GPR137C: variants seen among roughly 807,000 people sequenced by gnomAD.
GPR137C encodes integral membrane protein GPR137C.
In GPR137C, 27 loss-of-function variants were observed where a neutral mutation model predicts 43.4. That is an observed-to-expected ratio of 0.62 (90% CI 0.46 to 0.86). GPR137C has a LOEUF of 0.86. GPR137C is among the 40% of genes least tolerant of loss of function. The probability of loss-of-function intolerance (pLI) is 0.00; values close to 1 mark genes in which losing one functional copy is unlikely to be tolerated. For synonymous variants in GPR137C, 285 were observed against 226.9 expected (o/e 1.26, Z -2.30); for missense variants, 522 against 534.6 (o/e 0.98, Z 0.23).
chr14:52,568,270 G>A (rs1227757054), intron 1 of GPR137C, among the ~76,000 whole-genome samples: 1 of 152,158 alleles, frequency 6.6e-6, no homozygotes, highest in Non-Finnish European at 1.5e-5. Flanking sequence ...GTGCATTCCA[G>A]CTCAGATACT....
chr14:52,614,725 T>C (rs968584956), intron 3 of GPR137C, among the ~76,000 whole-genome samples: 5 of 152,096 alleles, frequency 3.3e-5, no homozygotes, highest in African/African-American at 1.2e-4. Flanking sequence ...GGTCTTAAGC[T>C]ATCCTTCTGA....
intron 6 of GPR137C, 88 bp from the exon 7 acceptor site, chr14:52,634,850 A>G (rs1223325298): frequency 5.2e-6 from 6 of 1,148,010 alleles, no homozygotes; most frequent in African/African-American, 3.2e-5. Flanking sequence ...CTTTATTACA[A>G]AATTCATTGA....
chr14:52,614,260 G>A lies in GPR137C; in HGVS notation c.717+13919G>A, dbSNP rs149891079. 3.6e-3 allele frequency among the ~76,000 whole-genome samples: 547 copies of A among 150,602 alleles called. 4 individuals carry two copies. Among genetic ancestry groups the A allele is most frequent in the Admixed American group, 0.015 (225 of 15,112 alleles). On this transcript the variant is annotated intron_variant, in intron 3 of 6. Coordinates refer to ENST00000321662, the MANE Select transcript of GPR137C (RefSeq NM_001099652.2). Reference sequence around the variant, plus strand: ...TTCAGCCTCCCTATTAGCTGGTACCGTAGGCATGCACCACCACACCTGGCT... The same window carrying A: ...TTCAGCCTCCCTATTAGCTGGTACCATAGGCATGCACCACCACACCTGGCT...
chr14:52,625,367 T>C (rs1205725976), intron 3 of GPR137C, among the ~76,000 whole-genome samples: 3 of 150,628 alleles, frequency 2.0e-5, no homozygotes, highest in East Asian at 2.0e-4. Flanking sequence ...CTGTACTCGC[T>C]TCTACTCGGG....
intron 3 of GPR137C, among the ~76,000 whole-genome samples, chr14:52,603,745 G>A (rs2038953468): frequency 6.6e-6 from 1 of 151,884 alleles, no homozygotes. Context: ...CACCATGTTG[G>A]CCGGGCTGGT....
chr14:52,561,168 CTA>C (rs1383785287), intron 1 of GPR137C, among the ~76,000 whole-genome samples: 2 of 152,308 alleles, frequency 1.3e-5, no homozygotes, highest in African/African-American at 4.8e-5. Context: ...ATTAGCAGGA[CTA>C]AAATTTAAAA....
chr14:52,629,073 A>G (rs935715209), intron 3 of GPR137C, among the ~76,000 whole-genome samples: 2 of 152,234 alleles, frequency 1.3e-5, no homozygotes, highest in Admixed American at 1.3e-4. Context: ...AAAATGAGAC[A>G]TCACATCTTC....
chr14:52,568,625 A>G (rs2038411975), intron 1 of GPR137C, among the ~76,000 whole-genome samples: 3 of 152,160 alleles, frequency 2.0e-5, no homozygotes. Context: ...GGCATCCGCA[A>G]TTACTGTGTA....
intron 1 of GPR137C, among the ~76,000 whole-genome samples, chr14:52,593,447 A>G (rs1162999885): frequency 6.6e-6 from 1 of 152,118 alleles, no homozygotes; most frequent in Non-Finnish European, 1.5e-5. Context: ...TCGGCTGTGA[A>G]TCCATCTGGT....
At chr14:52,559,540 A>G (rs2038248220) in intron 1 of GPR137C, among the ~76,000 whole-genome samples, 1 of 152,038 alleles carries the variant, frequency 6.6e-6, no homozygotes, top group Admixed American at 6.5e-5. Flanking sequence ...TAAATGAGGG[A>G]AAAGGGGGAA....
chr14:52,568,408 A>C (rs1468624351), intron 1 of GPR137C, among the ~76,000 whole-genome samples: 1 of 152,004 alleles, frequency 6.6e-6, no homozygotes, highest in African/African-American at 2.4e-5. Flanking sequence ...TAACTGCAGG[A>C]GTTTTTTTTT....
At chr14:52,567,952 C>T (rs2038399119) in intron 1 of GPR137C, among the ~76,000 whole-genome samples, 1 of 152,158 alleles carries the variant, frequency 6.6e-6, no homozygotes, top group African/African-American at 2.4e-5. Flanking sequence ...GCCACCGCGC[C>T]TGGCTGAGAT....
intron 3 of GPR137C, among the ~76,000 whole-genome samples, chr14:52,617,189 C>G (rs1312971277): frequency 1.3e-5 from 2 of 152,074 alleles, no homozygotes; most frequent in African/African-American, 4.8e-5. Flanking sequence ...CCCACCATTC[C>G]CTCACACACA....
rs554191755 is a variant in GPR137C, at chr14:52,597,344, A to G, written c.445-928A>G. Among the ~76,000 whole-genome samples, 4 of 152,364 alleles carry G rather than the reference A, an allele frequency of 2.6e-5. No individual in the cohort carries two copies. The East Asian group carries it at 5.8e-4, about 22-fold the overall frequency. On this transcript the variant is annotated intron_variant, in intron 1 of 6. Coordinates refer to ENST00000321662, the MANE Select transcript of GPR137C (RefSeq NM_001099652.2). ...ACCGTGGTCATGTTTATGAATCCAT[A>G]GCACCTTTCATAGAGTGTGATATAT...
At chr14:52,627,379 T>A (rs2039240175) in intron 3 of GPR137C, among the ~76,000 whole-genome samples, 1 of 151,826 alleles carries the variant, frequency 6.6e-6, no homozygotes, top group Admixed American at 6.6e-5. Context: ...GGTGACAGAG[T>A]GAAATCCTGT....
chr14:52,635,084 A>G lies in GPR137C; in HGVS notation c.1259A>G (p.His420Arg), dbSNP rs773997522. The G allele has an allele frequency of 6.3e-7, 1 of 1,597,658 alleles. No individual in the cohort carries two copies. Among genetic ancestry groups the G allele is most frequent in the Admixed American group, 1.8e-5 (1 of 55,416 alleles). The change falls in exon 7 of 7, where the codon CAT becomes CGT. Residue 420 changes from histidine to arginine, a missense_variant. By Grantham distance (29) the His-to-Arg change is conservative. Around this residue, in one of 3 missense-constraint regions of GPR137C, gnomAD observed 67 missense variants for 69.0 expected, o/e 0.97. Coordinates refer to ENST00000321662, the MANE Select transcript of GPR137C (RefSeq NM_001099652.2). ...FTCSNLDLNN[H>R]HSLYVTPQN ...TGTAGTAATTTAGATTTGAACAATC[A>G]TCATAGCTTATATGTGACACCACAA...
intron 1 of GPR137C, among the ~76,000 whole-genome samples, chr14:52,577,514 G>GCACACACACACACACACACACACACA (rs752625898): frequency 3.4e-5 from 4 of 118,478 alleles, no homozygotes; most frequent in Admixed American, 8.0e-5. Flanking sequence ...GTGCGCGCGC[G>GCACACACACACACACACACACACACA]CGCACACACA....
At chr14:52,565,395 A>G (rs1439266307) in intron 1 of GPR137C, among the ~76,000 whole-genome samples, 2 of 152,188 alleles carry the variant, frequency 1.3e-5, no homozygotes, top group Non-Finnish European at 1.5e-5. Context: ...GTTAGTTAAA[A>G]TGAACTCTGA....
At chr14:52,632,098 A>G (rs916433477) in intron 3 of GPR137C, 62 bp from the exon 4 acceptor site, 2 of 1,163,566 alleles carry the variant, frequency 1.7e-6, no homozygotes, top group Non-Finnish European at 2.6e-6. Context: ...TTGTATGTAC[A>G]TGAATAGCTT....
Sources: allele counts gnomAD v4.1 joint callset (sites outside exome capture counted in the v4.1 genomes callset), GRCh38; gene constraint gnomAD v4.1.1; regional missense constraint gnomAD v4.1.1; transcripts MANE v1.5; gene names NCBI Gene and HGNC (gene_info 2026-07-23, HGNC 2026-07-21).